MGRN1: variants seen among roughly 807,000 people sequenced by gnomAD.
MGRN1 encodes E3 ubiquitin-protein ligase MGRN1.
In MGRN1, 29 loss-of-function variants were observed where a neutral mutation model predicts 69.2. That is an observed-to-expected ratio of 0.42 (90% CI 0.31 to 0.57). MGRN1 has a LOEUF of 0.57. Ranked by LOEUF, MGRN1 falls within the 20% of genes least tolerant of loss-of-function variation. MGRN1 has a pLI of 0.15. For synonymous variants in MGRN1, 470 were observed against 344.2 expected, an observed-to-expected ratio of 1.37 and a Z score of -4.04; for missense variants, 998 against 796.2, an observed-to-expected ratio of 1.25 and a Z score of -3.05.
At chr16:4,676,187 G>A (rs1029237665) in intron 10 of MGRN1, among the ~76,000 whole-genome samples, 4 of 152,236 alleles carry the variant, frequency 2.6e-5, no homozygotes, top group African/African-American at 7.2e-5. Flanking sequence ...GGGAGAGGCC[G>A]GCCGCCCAGC....
chr16:4,683,090 C>T (rs181070014), intron 14 of MGRN1, 134 bp from the exon 15 acceptor site: 2 of 1,508,556 alleles, frequency 1.3e-6, no homozygotes, highest in African/African-American at 2.8e-5. Flanking sequence ...GCTCCTTAGC[C>T]TCGGTCTGTG....
rs1019189887 is a variant in MGRN1, at chr16:4,679,931, C to T, written c.1066-101C>T. 83 of 1,116,150 alleles carry T rather than the reference C, an allele frequency of 7.4e-5. 1 individual carries two copies. The highest frequency in any genetic ancestry group is 5.1e-4 in the South Asian group (38 of 74,546). 69.1% of individuals were successfully genotyped at this position (1,116,150 alleles called of 1,614,324 possible). A position where few individuals can be genotyped will look rare whatever the true frequency, so the allele number is the denominator to read the frequency against. On this transcript the variant is annotated intron_variant, in intron 11 of 16. Transcript: ENST00000262370. ...TCCCCCGGAAGCTTGTGAAGTTCTG[C>T]GCCACGGTGTGGCAAGAGGACAGCC...
intron 1 of MGRN1, among the ~76,000 whole-genome samples, chr16:4,641,278 G>A (rs2078150838): frequency 6.6e-6 from 1 of 152,196 alleles, no homozygotes; most frequent in African/African-American, 2.4e-5. Context: ...TGCCCCATCA[G>A]GGACCTAGGG....
At chr16:4,657,384 C>T in intron 5 of MGRN1, 21 bp downstream of exon 5, 2 of 1,604,498 alleles carry the variant, frequency 1.2e-6, no homozygotes, top group Non-Finnish European at 1.7e-6. Context: ...CTGGGCGGCT[C>T]CTTGCCCTTC....
At chr16:4,687,227 C>T (rs1489724780) in intron 16 of MGRN1, 2 of 985,298 alleles carry the variant, frequency 2.0e-6, no homozygotes, top group East Asian at 2.3e-4. Flanking sequence ...GAGGCGCCCT[C>T]TACCAGGGTG....
At chr16:4,679,111 T>C (rs562422314) in intron 11 of MGRN1, among the ~76,000 whole-genome samples, 6 of 152,332 alleles carry the variant, frequency 3.9e-5, no homozygotes, top group Admixed American at 2.0e-4. Context: ...CCAGCACTTT[T>C]GATGTTGGCT....
rs746124260 is a variant in MGRN1, at chr16:4,683,884, A to G, written c.1570A>G (p.Ser524Gly). ...ASIENVLQDS[S>G]PEHCGRGPPA... The stretch of plus-strand genomic sequence containing the variant: ...CATTGAGAATGTCCTGCAGGACAGC[A>G]GCCCCGAGCACTGTGGCCGAGGCCC... The change falls in exon 16 of 17, where the codon AGC (serine) becomes GGC (glycine). Residue 524 changes from serine (S) to glycine (G), a missense_variant. Physicochemically the swap from Ser to Gly is moderately conservative, Grantham distance 56. Transcript: ENST00000262370. The G allele has an allele frequency of 5.8e-6, 9 of 1,550,692 alleles. No homozygotes were observed. The highest frequency in any genetic ancestry group is 3.3e-5 in the South Asian group (3 of 90,206).
Position 4,629,613 on chromosome 16 carries a change from C to T in MGRN1, c.88+4565C>T, listed in dbSNP as rs554128370. On this transcript the variant is annotated intron_variant, in intron 1 of 16. Coordinates refer to ENST00000262370, the MANE Select transcript of MGRN1 (RefSeq NM_015246.4). Reference sequence around the variant, plus strand: ...AATTAGCTGGGCGTGGTGGCACACACCTGTAGTCCCAGCTGCTCAGGAGGC... The same window carrying T: ...AATTAGCTGGGCGTGGTGGCACACATCTGTAGTCCCAGCTGCTCAGGAGGC... Among the ~76,000 whole-genome samples the T allele has an allele frequency of 7.0e-4, 106 of 152,032 alleles. 1 individual carries two copies. The highest frequency in any genetic ancestry group is 2.2e-3 in the African/African-American group (93 of 41,478).
chr16:4,688,950 G>C lies in MGRN1; in HGVS notation c.*42G>C. Reference sequence around the variant, plus strand: ...GCAGCATGGAGCCCTCGGCTCCCCAGACTTTGCCGAGGGGCTGCTCCGGAC... The same window carrying C: ...GCAGCATGGAGCCCTCGGCTCCCCACACTTTGCCGAGGGGCTGCTCCGGAC... On this transcript the variant is annotated 3_prime_UTR_variant, in exon 17 of 17. Transcript: ENST00000262370. The C allele has an allele frequency of 6.6e-7, 1 of 1,509,702 alleles. No homozygotes were observed. Among genetic ancestry groups the C allele is most frequent in the Non-Finnish European group, 8.9e-7 (1 of 1,120,972 alleles). 93.5% of individuals were successfully genotyped at this position (1,509,702 alleles called of 1,614,324 possible).
At chr16:4,631,915 T>TTC in intron 1 of MGRN1, among the ~76,000 whole-genome samples, 1 of 152,048 alleles carries the variant, frequency 6.6e-6, no homozygotes, top group East Asian at 1.9e-4. Flanking sequence ...TGTTTTTTTT[T>TTC]TTCAGATAAC....
intron 3 of MGRN1, 52 bp downstream of exon 3, chr16:4,652,103 T>G (rs1567193589): frequency 1.3e-6 from 2 of 1,560,614 alleles, no homozygotes; most frequent in Non-Finnish European, 1.8e-6. Context: ...GCGCAGCCTG[T>G]GGTGGAGGTT....
intron 1 of MGRN1, among the ~76,000 whole-genome samples, chr16:4,635,791 C>G (rs552015718): frequency 1.3e-5 from 2 of 150,550 alleles, no homozygotes; most frequent in African/African-American, 2.5e-5. Context: ...CCCACTACCA[C>G]GCCCAGCTAA....
rs1414932169 is a variant in MGRN1, at chr16:4,640,873, C to T, written c.89-9492C>T. Among the ~76,000 whole-genome samples, 6 of 152,202 alleles carry T rather than the reference C, an allele frequency of 3.9e-5. No homozygotes were observed. In the East Asian group the frequency reaches 1.2e-3, roughly 29 times the overall value. ...TGGGCTCTGGAGTCGGGGTGTGCGC[C>T]CCAGCTCCACCGCTGATGAGCTTGG... is the stretch of plus-strand genomic sequence containing the variant. On this transcript the variant is annotated intron_variant, in intron 1 of 16. Transcript: ENST00000262370.
At chr16:4,685,020 G>A (rs951620947) in intron 16 of MGRN1, among the ~76,000 whole-genome samples, 10 of 152,242 alleles carry the variant, frequency 6.6e-5, no homozygotes, top group African/African-American at 2.4e-4. Flanking sequence ...CTGTGCTCAT[G>A]GGCTGGGCGT....
chr16:4,687,468 C>G, intron 16 of MGRN1: 1 of 954,466 alleles, frequency 1.0e-6, no homozygotes, highest in Non-Finnish European at 1.2e-6. Flanking sequence ...ATTGCCGGAG[C>G]TGGGGAGGTC....
At chr16:4,637,637 C>T (rs2078062495) in intron 1 of MGRN1, among the ~76,000 whole-genome samples, 1 of 152,220 alleles carries the variant, frequency 6.6e-6, no homozygotes, top group South Asian at 2.1e-4. Context: ...CAAGTGGAAG[C>T]TGCGGGAACC....
chr16:4,643,177 A>C (rs908875130), intron 1 of MGRN1, among the ~76,000 whole-genome samples: 1 of 151,564 alleles, frequency 6.6e-6, no homozygotes, highest in Non-Finnish European at 1.5e-5. Context: ...GCTGGTCTCA[A>C]TCTCGATCTC....
At chr16:4,686,059 G>A (rs1051119171) in intron 16 of MGRN1, among the ~76,000 whole-genome samples, 2 of 152,210 alleles carry the variant, frequency 1.3e-5, no homozygotes, top group Non-Finnish European at 2.9e-5. Context: ...GGCAGGGCCA[G>A]TGCGCTCCTC....
rs1410166433 is a variant in MGRN1 at position 4,665,133 on chromosome 16, C to T, written c.660C>T (p.Leu220=). 6.2e-7 allele frequency: 1 copy of T among 1,614,206 alleles called. No homozygotes were observed. Among genetic ancestry groups the T allele is most frequent in the Non-Finnish European group, 8.5e-7 (1 of 1,180,042 alleles). ...VVEVTGHAHV[L]LAAFEKHMDG... ...AAGTGACTGGCCACGCCCACGTGCT[C>T]TTGGCTGCCTTTGAAAAGGTAAGTG... The change falls in exon 7 of 17, where the codon CTC becomes CTT. Residue 220 remains leucine, a synonymous_variant. Transcript: ENST00000262370.
Sources: allele counts gnomAD v4.1 joint callset (sites outside exome capture counted in the v4.1 genomes callset), GRCh38; gene constraint gnomAD v4.1.1; transcripts MANE v1.5; gene names NCBI Gene and HGNC (gene_info 2026-07-23, HGNC 2026-07-21).